Variants in CDC7 observed in about 807,000 individuals in gnomAD.
CDC7 encodes cell division cycle 7, also known as cell division cycle 7-related protein kinase.
A neutral mutation model predicts 53.5 loss-of-function variants in CDC7; 34 were observed. The ratio of observed to expected loss-of-function variants is 0.64; its 90% CI spans 0.48 to 0.85. The LOEUF is 0.85. CDC7 is among the 40% of genes least tolerant of loss of function. The pLI, the probability that CDC7 is intolerant of heterozygous loss-of-function variation, is 0.00. For synonymous variants in CDC7, 211 were observed against 222.8 expected (o/e 0.95, Z 0.47); for missense variants, 594 against 679.7 (o/e 0.87, Z 1.40).
At position 91,500,883 on chromosome 1, in the gene CDC7, T is replaced by C. The variant is rs12091835; in HGVS notation, c.-129T>C. On this transcript the variant is annotated 5_prime_UTR_variant, in exon 1 of 12. Transcript: ENST00000234626. ...AGGCGCATCCGATCGACTCGGTAGG[T>C]GGGGATCTCTTGGAGACGGCGACCC... 6.6e-6 allele frequency: 1 copy of C among 152,064 alleles called. No individual in the cohort carries two copies. Among genetic ancestry groups the C allele is most frequent in the South Asian group, 2.1e-4 (1 of 4,810 alleles). The allele number at this position is 152,064 out of a possible 1,614,324, so 9.4% of individuals were successfully genotyped here. A position where few individuals can be genotyped will look rare whatever the true frequency, so the allele number is the denominator to read the frequency against.
Position 91,525,059 on chromosome 1 carries a change from C to G in CDC7, c.*624C>G, listed in dbSNP as rs1247233940. ...TGAATTGCCATTTTTTTCTTACTGG[C>G]TTCTCAATTTTCTTCCTTCTCTGCC... On this transcript the variant is annotated 3_prime_UTR_variant, in exon 12 of 12. Coordinates refer to ENST00000234626, the MANE Select transcript of CDC7 (RefSeq NM_003503.4). 1.3e-5 allele frequency: 2 copies of G among 152,074 alleles called. No homozygotes were observed. The highest frequency in any genetic ancestry group is 6.6e-5 in the Admixed American group (1 of 15,260). The allele number at this position is 152,074 out of a possible 1,614,324, so 9.4% of individuals were successfully genotyped here.
chr1:91,513,339 ACT>A, intron 7 of CDC7, 32 bp downstream of exon 7: 1 of 1,587,588 alleles, frequency 6.3e-7, no homozygotes, highest in Non-Finnish European at 8.6e-7. Context: ...AAGTACCGAC[ACT>A]GTTTTAGAAA....
Position 91,501,590 on chromosome 1 carries a change from A to G in CDC7, c.-63-64A>G, listed in dbSNP as rs372155002. 6.7e-5 allele frequency: 49 copies of G among 730,764 alleles called. No homozygotes were observed. The African/African-American group carries it at 7.9e-4, about 12-fold the overall frequency. The allele number at this position is 730,764 out of a possible 1,614,324, so 45.3% of individuals were successfully genotyped here. On this transcript the variant is annotated intron_variant, in intron 1 of 11. Transcript: ENST00000234626. Reference sequence around the variant, plus strand: ...AATGTTTGCCCCTTTGGGGGGCAGTAGCATGTTTTTAGTGCGTGGTTTAGC... The same window carrying G: ...AATGTTTGCCCCTTTGGGGGGCAGTGGCATGTTTTTAGTGCGTGGTTTAGC...
chr1:91,524,282 T>C lies in CDC7; in HGVS notation c.1572T>C (p.Cys524=), dbSNP rs780765452. The change falls in exon 12 of 12, where the codon TGT becomes TGC. Residue 524 remains cysteine (C), a synonymous_variant. Coordinates refer to ENST00000234626, the MANE Select transcript of CDC7 (RefSeq NM_003503.4). ...GGGATAGTAATAGCTGTGAGCATTG[T>C]TTTGATGAGTATAATACCAATTTAG... The part of the protein sequence containing the change: ...KKGDSNSCEH[C]FDEYNTNLEG... 7 of 1,613,996 alleles carry C rather than the reference T, an allele frequency of 4.3e-6. No individual in the cohort carries two copies. The East Asian group carries it at 1.1e-4, about 26-fold the overall frequency.
At chr1:91,504,129 G>T (rs1666853856) in intron 2 of CDC7, among the ~76,000 whole-genome samples, 6 of 141,558 alleles carry the variant, frequency 4.2e-5, no homozygotes, top group Admixed American at 7.3e-5. Context: ...TTTGAGACAT[G>T]GTCTCTCTGT....
At chr1:91,510,439 T>G (rs745888336) in intron 4 of CDC7, among the ~76,000 whole-genome samples, 1 of 152,206 alleles carries the variant, frequency 6.6e-6, no homozygotes, top group Non-Finnish European at 1.5e-5. Flanking sequence ...ATTGCATCAC[T>G]AATGTCTATA....
chr1:91,507,835 AT>A lies in CDC7; in HGVS notation c.116-14del. 3.2e-6 allele frequency: 4 copies of A among 1,260,226 alleles called. No individual in the cohort carries two copies. The highest frequency in any genetic ancestry group is 2.2e-5 in the Admixed American group (1 of 45,750). The allele number at this position is 1,260,226 out of a possible 1,614,324, so 78.1% of individuals were successfully genotyped here. ...ATACTGTCATTGATTAAAACTCTAA[AT>A]TTTTGTTTCCTTGAAAGGTGTTAAA... On this transcript the variant is annotated intron_variant, in intron 2 of 11. Coordinates refer to ENST00000234626, the MANE Select transcript of CDC7 (RefSeq NM_003503.4).
rs771369297 is a variant in CDC7 at position 91,520,166 on chromosome 1, C to T, written c.1217C>T (p.Ser406Phe). 13 of 1,605,984 alleles carry T rather than the reference C, an allele frequency of 8.1e-6. No homozygotes were observed. The South Asian group carries it at 1.2e-4, about 15-fold the overall frequency. ...TGGTCTGCAGGTGTCATATTTCTTT[C>T]TTTGCTTAGTGGACGATATCCATTT... ...DMWSAGVIFLSLLSGRYPFYK... is the reference protein window; with the variant it reads ...DMWSAGVIFLFLLSGRYPFYK... Residue 406 changes from serine to phenylalanine, a missense_variant, in exon 11 of 12, where the codon TCT (serine) becomes TTT (phenylalanine). Ser to Phe is a radical substitution (Grantham distance 155). Coordinates refer to ENST00000234626, the MANE Select transcript of CDC7 (RefSeq NM_003503.4).
At chr1:91,515,070 AT>A (rs1381420817) in intron 9 of CDC7, 73 bp downstream of exon 9, 3 of 1,333,788 alleles carry the variant, frequency 2.2e-6, no homozygotes, top group African/African-American at 1.4e-5. Context: ...TGGGTGGATA[AT>A]TTTGTGAGTG....
chr1:91,514,414 T>C (rs1667448014), intron 8 of CDC7, among the ~76,000 whole-genome samples: 1 of 152,184 alleles, frequency 6.6e-6, no homozygotes, highest in Non-Finnish European at 1.5e-5. Flanking sequence ...ATGTAGATGA[T>C]TTCAGATTGA....
chr1:91,503,171 G>C (rs1666794921), intron 2 of CDC7, among the ~76,000 whole-genome samples: 1 of 152,158 alleles, frequency 6.6e-6, no homozygotes, highest in Non-Finnish European at 1.5e-5. Context: ...CTAATATTCT[G>C]AAAATCTGCT....
Position 91,523,894 on chromosome 1 carries a change from C to CTGTGTGTGTGTGTG in CDC7, c.1331-129_1331-116dup, listed in dbSNP as rs56282166. On this transcript the variant is annotated intron_variant, in intron 11 of 11. Transcript: ENST00000234626. ...ATAGCATGTGGTGCTCTATCTCATACTGTGTGTGTGTGTGTGTGTGTGTGT... is the reference window on the plus strand; with the variant it reads ...ATAGCATGTGGTGCTCTATCTCATACTGTGTGTGTGTGTGTGTGTGTGTGTGTGTGTGTGTGTGT... The CTGTGTGTGTGTGTG allele has an allele frequency of 4.2e-4, 234 of 556,744 alleles. No homozygotes were observed. The East Asian group carries it at 6.2e-3, about 15-fold the overall frequency. The allele number at this position is 556,744 out of a possible 1,614,324, so 34.5% of individuals were successfully genotyped here. A position where few individuals can be genotyped will look rare whatever the true frequency, so the allele number is the denominator to read the frequency against.
intron 10 of CDC7, 136 bp from the exon 11 acceptor site, chr1:91,519,994 A>G (rs905127382): frequency 1.7e-6 from 1 of 579,756 alleles, no homozygotes; most frequent in Non-Finnish European, 2.7e-6. Flanking sequence ...TTCAATCAAA[A>G]TCTTTGGGTC....
chr1:91,505,165 CGGCAAGTACAAAGACCCTG>C lies in CDC7; in HGVS notation c.116-2688_116-2670del, dbSNP rs369501414. Among the ~76,000 whole-genome samples, 138 of 151,974 alleles carry C rather than the reference CGGCAAGTACAAAGACCCTG, an allele frequency of 9.1e-4. 2 individuals are homozygous for C. Among genetic ancestry groups the C allele is most frequent in the African/African-American group, 3.2e-3 (131 of 41,414 alleles). ...GGAAGAGCATTCCAAACAGAGGAAA[CGGCAAGTACAAAGACCCTG>C]AAACGGCAAGTACAAAGACCCTGAG... On this transcript the variant is annotated intron_variant, in intron 2 of 11. Transcript: ENST00000234626.
At chr1:91,502,509 G>T (rs1666745421) in intron 2 of CDC7, among the ~76,000 whole-genome samples, 1 of 151,550 alleles carries the variant, frequency 6.6e-6, no homozygotes, top group South Asian at 2.1e-4. Context: ...AGTGAATTCT[G>T]TGCTTGTCTA....
Position 91,520,216 on chromosome 1 carries a change from G to C in CDC7, c.1267G>C (p.Ala423Pro), listed in dbSNP as rs1351804093. The C allele has an allele frequency of 1.2e-6, 2 of 1,609,220 alleles. No homozygotes were observed. Among genetic ancestry groups the C allele is most frequent in the Non-Finnish European group, 1.7e-6 (2 of 1,177,912 alleles). ...PFYKASDDLT[A>P]LAQIMTIRGS... is the part of the protein sequence containing the mutation. ...TTATAAAGCAAGTGATGATTTAACT[G>C]CTTTGGCCCAAATTATGACAATTAG... The change falls in exon 11 of 12, where the codon GCT becomes CCT. Residue 423 changes from alanine (A) to proline (P), a missense_variant. Coordinates refer to ENST00000234626, the MANE Select transcript of CDC7 (RefSeq NM_003503.4).
intron 7 of CDC7, 24 bp downstream of exon 7, chr1:91,513,331 G>C: frequency 6.3e-7 from 1 of 1,595,528 alleles, no homozygotes. Context: ...TATTTCTTAA[G>C]TACCGACACT....
chr1:91,519,936 T>A (rs1476776935), intron 10 of CDC7, among the ~76,000 whole-genome samples, 194 bp from the exon 11 acceptor site: 1 of 152,206 alleles, frequency 6.6e-6, no homozygotes, highest in Non-Finnish European at 1.5e-5. Flanking sequence ...TAAAATCACC[T>A]GAGGAACTTT....
At position 91,515,020 on chromosome 1, in the gene CDC7, T is replaced by C. The variant is rs774534053; in HGVS notation, c.1097+23T>C. The C allele has an allele frequency of 2.9e-5, 46 of 1,592,834 alleles. No individual in the cohort carries two copies. In the South Asian group the frequency reaches 2.9e-4, roughly 10 times the overall value. On this transcript the variant is annotated intron_variant, in intron 9 of 11. Transcript: ENST00000234626. ...AAGGTAATGTGTTTTGATGGTGTTA[T>C]AAAATCACCAGCATGCTGCCATTAG...
Sources: allele counts gnomAD v4.1 joint callset (sites outside exome capture counted in the v4.1 genomes callset), GRCh38; gene constraint gnomAD v4.1.1; transcripts MANE v1.5; gene names NCBI Gene and HGNC (gene_info 2026-07-23, HGNC 2026-07-21).